The following SOCS7 variants were observed in gnomAD, a reference collection of about 807,000 sequenced individuals.
The protein encoded by SOCS7 is NAP-4.
Under a neutral mutation model 58.9 loss-of-function variants are expected in SOCS7, and 18 were observed. The observed-to-expected ratio is 0.31, with a 90% CI of 0.21 to 0.45. The LOEUF is 0.45. SOCS7 is among the 20% of genes least tolerant of loss of function. SOCS7 has a pLI of 1.00. For synonymous variants in SOCS7, 388 were observed against 364.3 expected, an observed-to-expected ratio of 1.06 and a Z score of -0.74; for missense variants, 667 against 837.3, an observed-to-expected ratio of 0.80 and a Z score of 2.51.
chr17:38,396,224 C>T (rs935412544), intron 9 of SOCS7, among the ~76,000 whole-genome samples: 5 of 152,212 alleles, frequency 3.3e-5, no homozygotes, highest in African/African-American at 7.2e-5. Flanking sequence ...TGCCAGGAAA[C>T]GTGCAAGCTA....
chr17:38,374,146 G>A (rs9900623), intron 6 of SOCS7, among the ~76,000 whole-genome samples: 5,188 of 152,320 alleles, frequency 0.034, 282 homozygotes, highest in African/African-American at 0.12. Context: ...CTCCAACTTG[G>A]GAGGTGGAGG....
At chr17:38,383,202 G>A (rs2038025514) in intron 7 of SOCS7, among the ~76,000 whole-genome samples, 1 of 152,152 alleles carries the variant, frequency 6.6e-6, no homozygotes. Context: ...TCTTGCCTCA[G>A]TTTCCTCAAC....
intron 4 of SOCS7, 40 bp from the exon 5 acceptor site, chr17:38,366,247 G>C (rs751153119): frequency 1.2e-6 from 2 of 1,605,818 alleles, no homozygotes; most frequent in East Asian, 4.5e-5. Flanking sequence ...GTTGGGAGCA[G>C]TGAGGGTAAA....
chr17:38,389,896 TATAC>T (rs1354059440), intron 7 of SOCS7, among the ~76,000 whole-genome samples: 1 of 84,634 alleles, frequency 1.2e-5, no homozygotes, highest in African/African-American at 8.0e-5. Context: ...CATATATATA[TATAC>T]ACATATAGAG....
In SOCS7 at chr17:38,353,043, C is replaced by G; in HGVS notation, c.980+11C>G. On this transcript the variant is annotated intron_variant, in intron 1 of 9. Coordinates refer to ENST00000612932, the MANE Select transcript of SOCS7 (RefSeq NM_014598.4). ...GCTGGACGCGGGGAGGTGAGACCGG[C>G]CGGGGGCTGGCCGACAAACTTCCTT... 6.4e-7 allele frequency: 1 copy of G among 1,557,616 alleles called. No homozygotes were observed. Among genetic ancestry groups the G allele is most frequent in the Non-Finnish European group, 8.6e-7 (1 of 1,156,668 alleles).
At chr17:38,384,325 A>G (rs1431840737) in intron 7 of SOCS7, among the ~76,000 whole-genome samples, 1 of 152,078 alleles carries the variant, frequency 6.6e-6, no homozygotes, top group Non-Finnish European at 1.5e-5. Flanking sequence ...TTGTTTTGAG[A>G]CAGGGTCTCA....
Position 38,403,713 on chromosome 17 carries a change from TAAGAG to T in SOCS7, c.*4234_*4238del, listed in dbSNP as rs1274809316. 2.0e-5 allele frequency: 3 copies of T among 152,126 alleles called. No homozygotes were observed. The highest frequency in any genetic ancestry group is 4.4e-5 in the Non-Finnish European group (3 of 68,038). The allele number at this position is 152,126 out of a possible 1,614,324, so 9.4% of individuals were successfully genotyped here. A position where few individuals can be genotyped will look rare whatever the true frequency, so the allele number is the denominator to read the frequency against. Reference sequence around the variant, plus strand: ...AGACCTGGCATTTGTTTTCCACTGTTAAGAGAATGACACACCCCCTGTCATGTAAG... The same window carrying T: ...AGACCTGGCATTTGTTTTCCACTGTTAATGACACACCCCCTGTCATGTAAG... On this transcript the variant is annotated 3_prime_UTR_variant, in exon 10 of 10. Transcript: ENST00000612932.
At chr17:38,378,829 G>T (rs1279653665) in intron 7 of SOCS7, among the ~76,000 whole-genome samples, 1 of 152,040 alleles carries the variant, frequency 6.6e-6, no homozygotes, top group Admixed American at 6.6e-5. Flanking sequence ...AAGACAAAAT[G>T]ACACGGACAT....
In SOCS7 at chr17:38,379,896, G is replaced by C. The variant is rs1049823514; in HGVS notation, c.1681+2054G>C. 3.9e-5 allele frequency among the ~76,000 whole-genome samples: 6 copies of C among 152,156 alleles called. No homozygotes were observed. The East Asian group carries it at 1.2e-3, about 29-fold the overall frequency. On this transcript the variant is annotated intron_variant, in intron 7 of 9. Transcript: ENST00000612932. ...TTTGTAACTTAATTATCAAAAATAA[G>C]CTACCTTTCTGCCTTCAGAGAAGTC...
At position 38,386,193 on chromosome 17, in the gene SOCS7, C is replaced by T. The variant is rs374693492; in HGVS notation, c.1681+8351C>T. 3.6e-3 allele frequency among the ~76,000 whole-genome samples: 540 copies of T among 151,336 alleles called. 2 individuals are homozygous for T. Among genetic ancestry groups the T allele is most frequent in the Middle Eastern group, 6.8e-3 (2 of 294 alleles). On this transcript the variant is annotated intron_variant, in intron 7 of 9. Transcript: ENST00000612932. ...ATAAAAATTAGCCAGGCATGGTGGC[C>T]CAGACCTGTAATCCCAGCTACTTGG...
At chr17:38,372,312 C>T (rs2144349448) in intron 6 of SOCS7, among the ~76,000 whole-genome samples, 1 of 152,264 alleles carries the variant, frequency 6.6e-6, no homozygotes, top group Middle Eastern at 3.4e-3. Flanking sequence ...AAAACTTTAT[C>T]AAAACTTATG....
intron 1 of SOCS7, among the ~76,000 whole-genome samples, chr17:38,358,954 T>C (rs2037677484): frequency 6.6e-6 from 1 of 152,178 alleles, no homozygotes; most frequent in Non-Finnish European, 1.5e-5. Context: ...GCAAGATGTG[T>C]GCATTTGGGT....
At chr17:38,355,356 T>C (rs974534011) in intron 1 of SOCS7, among the ~76,000 whole-genome samples, 3 of 152,204 alleles carry the variant, frequency 2.0e-5, no homozygotes, top group Non-Finnish European at 4.4e-5. Context: ...GTAATAGGAC[T>C]GAGCTGGTAA....
chr17:38,368,045 A>G lies in SOCS7; in HGVS notation c.1547A>G (p.Tyr516Cys). The change falls in exon 6 of 10, where the codon TAC becomes TGC. Residue 516 changes from tyrosine (Y) to cysteine (C), a missense_variant. By Grantham distance (194) the Tyr-to-Cys change is radical (BLOSUM62 -2). Around this residue, in one of 9 missense-constraint regions of SOCS7, gnomAD observed 76 missense variants for 194.5 expected, o/e 0.39. Transcript: ENST00000612932. ...GITHHTRMEH[Y>C]RGTFSLWCHP... ...ACCCACCACACTAGAATGGAGCACTACAGAGGTAAGAGATACTGGTAAGAG... is the reference window on the plus strand; with the variant it reads ...ACCCACCACACTAGAATGGAGCACTGCAGAGGTAAGAGATACTGGTAAGAG... 6.2e-7 allele frequency: 1 copy of G among 1,610,746 alleles called. No homozygotes were observed. Among genetic ancestry groups the G allele is most frequent in the Non-Finnish European group, 8.5e-7 (1 of 1,177,706 alleles).
chr17:38,395,839 T>C lies in SOCS7; in HGVS notation c.1818-9T>C, dbSNP rs1474320671. 6.2e-7 allele frequency: 1 copy of C among 1,607,948 alleles called. No homozygotes were observed. Among genetic ancestry groups the C allele is most frequent in the Non-Finnish European group, 8.5e-7 (1 of 1,178,460 alleles). On this transcript the variant is annotated splice_polypyrimidine_tract_variant and intron_variant, in intron 8 of 9. Coordinates refer to ENST00000612932, the MANE Select transcript of SOCS7 (RefSeq NM_014598.4). ...CCTTTTGTGTATATCCGTCATTTGT[T>C]TTTCACAGACCTCTGATCTCTTATA...
In SOCS7 at chr17:38,352,627, A is replaced by T; in HGVS notation, c.575A>T (p.Glu192Val). The T allele has an allele frequency of 6.5e-7, 1 of 1,550,020 alleles. No individual in the cohort carries two copies. The highest frequency in any genetic ancestry group is 1.2e-5 in the South Asian group (1 of 84,050). The change falls in exon 1 of 10, where the codon GAG becomes GTG. Residue 192 changes from glutamate to valine, a missense_variant. Glu to Val is a moderately radical substitution (Grantham distance 121, BLOSUM62 -2). Coordinates refer to ENST00000612932, the MANE Select transcript of SOCS7 (RefSeq NM_014598.4). The surrounding 1 kb of genome is among the most constrained non-coding windows in gnomAD (Gnocchi z 5.5). ...TTGGAATCGGAGGCCGAGAGCCTGGAGACTAACAGCTGCTCGGAAGAGGAG... is the reference window on the plus strand; with the variant it reads ...TTGGAATCGGAGGCCGAGAGCCTGGTGACTAACAGCTGCTCGGAAGAGGAG... Reference protein sequence around the residue: ...EGLESEAESLETNSCSEEELS... With the variant: ...EGLESEAESLVTNSCSEEELS...
At position 38,402,290 on chromosome 17, in the gene SOCS7, G is replaced by T; in HGVS notation, c.*2808G>T. On this transcript the variant is annotated 3_prime_UTR_variant, in exon 10 of 10. Transcript: ENST00000612932. ...ACAGAGCAGTTAGGGGAAGATGAGG[G>T]GGAGGCATGGGGCTGGGCCAGCTCT... 6.6e-6 allele frequency: 1 copy of T among 152,642 alleles called. No individual in the cohort carries two copies. Among genetic ancestry groups the T allele is most frequent in the Non-Finnish European group, 1.5e-5 (1 of 68,272 alleles). 9.5% of individuals were successfully genotyped at this position (152,642 alleles called of 1,614,324 possible).
chr17:38,388,033 A>G (rs1435089627), intron 7 of SOCS7, among the ~76,000 whole-genome samples: 5 of 152,030 alleles, frequency 3.3e-5, no homozygotes, highest in South Asian at 2.1e-4. Context: ...TGGCCTCCCA[A>G]AGTGCTAGGA....
At chr17:38,384,262 C>T (rs980167818) in intron 7 of SOCS7, among the ~76,000 whole-genome samples, 3 of 152,166 alleles carry the variant, frequency 2.0e-5, no homozygotes, top group African/African-American at 7.2e-5. Flanking sequence ...CTGTCCACTT[C>T]TTCATTGCAT....
Sources: gnomAD v4.1 joint callset for allele counts (sites outside exome capture counted in the v4.1 genomes callset) on GRCh38, gnomAD v4.1.1 for gene constraint, gnomAD v4.1.1 regional missense constraint, Gnocchi (gnomAD v3.1) non-coding constraint, MANE v1.5 for transcripts, NCBI Gene and HGNC (gene_info 2026-07-23, HGNC 2026-07-21) for gene names.